The following TEF variants were observed in gnomAD, a reference collection of about 807,000 sequenced individuals.
The protein encoded by TEF is thyrotroph embryonic factor.
In TEF, 3 loss-of-function variants were observed where a neutral mutation model predicts 20.8. The ratio of observed to expected loss-of-function variants is 0.14; its 90% CI spans 0.07 to 0.37. The LOEUF is 0.37. Among genes scored for constraint, TEF ranks in the 10% least tolerant of loss-of-function variants. TEF has a pLI of 1.00. For synonymous variants in TEF, 180 were observed against 171.1 expected, an observed-to-expected ratio of 1.05 and a Z score of -0.41; for missense variants, 296 against 397.9, an observed-to-expected ratio of 0.74 and a Z score of 2.18.
intron 2 of TEF, among the ~76,000 whole-genome samples, chr22:41,389,169 G>A (rs572846646): frequency 6.6e-6 from 1 of 152,248 alleles, no homozygotes; most frequent in South Asian, 2.1e-4. Context: ...GGGAGGCCGA[G>A]GTGGGTGGAT....
At chr22:41,368,701 C>T (rs1021348455) in intron 1 of TEF, among the ~76,000 whole-genome samples, 2 of 152,164 alleles carry the variant, frequency 1.3e-5, no homozygotes, top group African/African-American at 4.8e-5. Flanking sequence ...GGCTCCGGAG[C>T]TCTCGCACGC....
intron 2 of TEF, among the ~76,000 whole-genome samples, chr22:41,388,335 A>G (rs1490219672): frequency 1.3e-5 from 2 of 151,880 alleles, no homozygotes; most frequent in East Asian, 3.9e-4. Context: ...GGGTTTTGCC[A>G]TATTTGTCAG....
intron 2 of TEF, 50 bp downstream of exon 2, chr22:41,387,718 C>T: frequency 7.8e-6 from 12 of 1,531,606 alleles, no homozygotes; most frequent in Non-Finnish European, 1.1e-5. Context: ...CAGGGAAGTC[C>T]ATTTCCCACT....
chr22:41,390,088 G>C (rs1452237594), intron 2 of TEF, among the ~76,000 whole-genome samples: 2 of 151,986 alleles, frequency 1.3e-5, no homozygotes, highest in Non-Finnish European at 2.9e-5. Flanking sequence ...ATGGGGTTTT[G>C]CCATGTTGGC....
chr22:41,377,503 T>C (rs1601813786), upstream of TEF, among the ~76,000 whole-genome samples: 1 of 152,222 alleles, frequency 6.6e-6, no homozygotes, highest in Non-Finnish European at 1.5e-5. Flanking sequence ...ATTAGCTAAC[T>C]AGTTCTCCCA....
upstream of TEF, among the ~76,000 whole-genome samples, chr22:41,378,673 C>T (rs1344818014): frequency 6.6e-6 from 1 of 151,582 alleles, no homozygotes; most frequent in African/African-American, 2.4e-5. Flanking sequence ...GGTTTCACCA[C>T]GTTGGCCAGG....
rs543088898 is a variant in TEF, at chr22:41,395,927, G to A, written c.879G>A (p.Val293=). The A allele has an allele frequency of 6.2e-7, 1 of 1,613,906 alleles. No homozygotes were observed. The highest frequency in any genetic ancestry group is 1.3e-5 in the African/African-American group (1 of 75,046). Residue 293 remains valine, a synonymous_variant, in exon 4 of 4, where the codon GTG becomes GTA. Transcript: ENST00000266304. The part of the protein sequence containing the change: ...RKEVGKCKTI[V]SKYETKYGPL ...AGGTGGGCAAGTGCAAGACCATCGT[G>A]TCCAAGTATGAGACCAAATACGGGC...
intron 2 of TEF, among the ~76,000 whole-genome samples, chr22:41,390,241 C>G (rs2037149474): frequency 6.6e-6 from 1 of 152,052 alleles, no homozygotes; most frequent in African/African-American, 2.4e-5. Flanking sequence ...TGGGCATTTG[C>G]TTAGGAAGAG....
Position 41,396,008 on chromosome 22 carries a change from G to T in TEF, c.*48G>T, listed in dbSNP as rs1479904995. On this transcript the variant is annotated 3_prime_UTR_variant, in exon 4 of 4. Transcript: ENST00000266304. The stretch of plus-strand genomic sequence containing the variant: ...GGTACTGCCTGCACCTCAGACCTCT[G>T]CCTGGGGGCTCCCTGTAACCCCTCA... 1 of 1,574,958 alleles carries T rather than the reference G, an allele frequency of 6.3e-7. No homozygotes were observed.
intron 1 of TEF, among the ~76,000 whole-genome samples, chr22:41,371,832 G>A (rs1411519857): frequency 1.3e-5 from 2 of 152,144 alleles, no homozygotes; most frequent in Non-Finnish European, 2.9e-5. Context: ...GCACCCAATG[G>A]GACAGCCCCA....
chr22:41,390,278 T>C (rs915765874), intron 2 of TEF, among the ~76,000 whole-genome samples: 1 of 152,170 alleles, frequency 6.6e-6, no homozygotes, highest in Non-Finnish European at 1.5e-5. Flanking sequence ...GACATGCATA[T>C]GTTCAGTTTG....
chr22:41,390,628 A>G (rs1380951181), intron 2 of TEF, among the ~76,000 whole-genome samples: 1 of 149,216 alleles, frequency 6.7e-6, no homozygotes, highest in Non-Finnish European at 1.5e-5. Context: ...CCTCCTGAGT[A>G]GCTGGGAATA....
chr22:41,391,126 C>A (rs2037159858), intron 2 of TEF, among the ~76,000 whole-genome samples: 1 of 152,102 alleles, frequency 6.6e-6, no homozygotes, highest in Non-Finnish European at 1.5e-5. Flanking sequence ...CTGTAATTAA[C>A]CCCTGTCTAA....
At chr22:41,395,537 C>T (rs751582488) in intron 3 of TEF, among the ~76,000 whole-genome samples, 1 of 152,086 alleles carries the variant, frequency 6.6e-6, no homozygotes, top group African/African-American at 2.4e-5. Context: ...CACCATGTAA[C>T]GTACCAAATA....
intron 1 of TEF, among the ~76,000 whole-genome samples, chr22:41,368,521 C>T (rs1389296458): frequency 1.1e-4 from 17 of 152,208 alleles, no homozygotes. Flanking sequence ...TCTCAGCCCA[C>T]TCCCAAACCA....
intron 1 of TEF, chr22:41,383,008 C>A (rs755109187): frequency 2.1e-6 from 1 of 471,002 alleles, no homozygotes; most frequent in Non-Finnish European, 4.4e-6. Context: ...TGTTTTTCGC[C>A]CTGGGAGATG....
rs574650483 is a variant in TEF, at chr22:41,390,308, C to T, written c.475+2640C>T. Among the ~76,000 whole-genome samples the T allele has an allele frequency of 2.6e-5, 4 of 152,206 alleles. No homozygotes were observed. The East Asian group carries it at 5.8e-4, about 22-fold the overall frequency. ...AGTTTGTGTAGACCCTGCCAAATAG[C>T]GTACAAAGTTGTTATATCCATTTGT... On this transcript the variant is annotated intron_variant, in intron 2 of 3. Coordinates refer to ENST00000266304, the MANE Select transcript of TEF (RefSeq NM_003216.4).
chr22:41,372,725 G>A (rs1291300930), intron 1 of TEF, among the ~76,000 whole-genome samples: 5 of 152,092 alleles, frequency 3.3e-5, no homozygotes, highest in Non-Finnish European at 5.9e-5. Context: ...CTCCCCTGGT[G>A]TTTGGATTCT....
intron 3 of TEF, among the ~76,000 whole-genome samples, chr22:41,394,881 A>C (rs1329708329): frequency 6.6e-6 from 1 of 152,196 alleles, no homozygotes; most frequent in Non-Finnish European, 1.5e-5. Context: ...CTCATCTGTA[A>C]AACGGGAGCA....
Sources: allele counts gnomAD v4.1 joint callset (sites outside exome capture counted in the v4.1 genomes callset), GRCh38; gene constraint gnomAD v4.1.1; transcripts MANE v1.5; gene names NCBI Gene and HGNC (gene_info 2026-07-23, HGNC 2026-07-21).